LHFPL4: variants seen among roughly 807,000 people sequenced by gnomAD.
LHFPL4 encodes LHFPL tetraspan subfamily member 4.
A neutral mutation model predicts 20.0 loss-of-function variants in LHFPL4; 6 were observed. The observed-to-expected ratio is 0.30, with a 90% confidence interval of 0.16 to 0.59. LHFPL4 has a LOEUF of 0.59. Ranked by LOEUF, LHFPL4 falls within the 20% of genes least tolerant of loss-of-function variation. LHFPL4 has a pLI of 0.88. For synonymous variants in LHFPL4, 129 were observed against 143.8 expected (o/e 0.90, Z 0.74); for missense variants, 215 against 331.2 (o/e 0.65, Z 2.72).
At position 9,538,702 on chromosome 3, in the gene LHFPL4, C is replaced by CT. The variant is rs35357177; in HGVS notation, c.406+13571dup. On this transcript the variant is annotated intron_variant, in intron 2 of 3. Transcript: ENST00000287585. ...CAGAATTTAAATTCAGGTTTTCTTT[C>CT]TTTTTTTTTTTTTTTAGACAGAGTC... Among the ~76,000 whole-genome samples, 192 of 140,108 alleles carry CT rather than the reference C, an allele frequency of 1.4e-3. 1 individual carries two copies. Among genetic ancestry groups the CT allele is most frequent in the South Asian group, 4.6e-3 (20 of 4,304 alleles). 91.9% of individuals were successfully genotyped at this position (140,108 alleles called of 152,430 possible).
chr3:9,534,153 G>C (rs1161401941), intron 2 of LHFPL4, among the ~76,000 whole-genome samples: 2 of 150,982 alleles, frequency 1.3e-5, no homozygotes, highest in African/African-American at 4.9e-5. Context: ...GGATGCAGAG[G>C]TTGCAGTGAC....
intron 3 of LHFPL4, among the ~76,000 whole-genome samples, chr3:9,504,469 T>C (rs1417991848): frequency 1.3e-5 from 2 of 151,860 alleles, no homozygotes; most frequent in Non-Finnish European, 2.9e-5. Flanking sequence ...TCCCCTTCCA[T>C]CATAACCACA....
intron 2 of LHFPL4, among the ~76,000 whole-genome samples, chr3:9,514,856 A>T (rs1243201434): frequency 6.6e-6 from 1 of 152,204 alleles, no homozygotes; most frequent in East Asian, 1.9e-4. Context: ...AGTGCTCAAT[A>T]ATATTCTATA....
At chr3:9,536,206 T>G (rs1007770415) in intron 2 of LHFPL4, among the ~76,000 whole-genome samples, 3 of 152,184 alleles carry the variant, frequency 2.0e-5, no homozygotes, top group African/African-American at 7.2e-5. Context: ...GGGAAGTGGG[T>G]TGGAGATGCC....
intron 2 of LHFPL4, among the ~76,000 whole-genome samples, chr3:9,512,714 T>A (rs1302226415): frequency 1.3e-5 from 2 of 152,160 alleles, no homozygotes; most frequent in African/African-American, 4.8e-5. Flanking sequence ...GAAACAACTT[T>A]ATATAAACAG....
intron 2 of LHFPL4, among the ~76,000 whole-genome samples, chr3:9,518,964 C>G (rs897153466): frequency 2.8e-5 from 3 of 107,206 alleles, no homozygotes; most frequent in African/African-American, 9.4e-5. Flanking sequence ...GAGACAGAGT[C>G]TCTCTCTCTG....
At chr3:9,546,696 C>T (rs1284584745) in intron 2 of LHFPL4, among the ~76,000 whole-genome samples, 1 of 152,136 alleles carries the variant, frequency 6.6e-6, no homozygotes, top group Non-Finnish European at 1.5e-5. Context: ...CAGTTTATGC[C>T]TTCTTAAGCC....
At chr3:9,517,801 G>GTTTT (rs1162876826) in intron 2 of LHFPL4, among the ~76,000 whole-genome samples, 1 of 75,576 alleles carries the variant, frequency 1.3e-5, no homozygotes, top group South Asian at 4.1e-4. Context: ...GGGTTTTTTT[G>GTTTT]TTTTTTGTTT....
chr3:9,551,396 T>C (rs75964551), intron 2 of LHFPL4, among the ~76,000 whole-genome samples: 2,783 of 149,260 alleles, frequency 0.019, 95 homozygotes, highest in African/African-American at 0.064. Flanking sequence ...TGCCAGCAAT[T>C]AGGCAAAAGC....
rs528826536 is a variant in LHFPL4, at chr3:9,504,241, A to G, written c.643+1726T>C. 1.4e-3 allele frequency among the ~76,000 whole-genome samples: 217 copies of G among 151,680 alleles called. 5 individuals carry two copies. Among genetic ancestry groups the G allele is most frequent in the South Asian group, 8.3e-4 (4 of 4,798 alleles). On this transcript the variant is annotated intron_variant, in intron 3 of 3. Coordinates refer to ENST00000287585, the MANE Select transcript of LHFPL4 (RefSeq NM_198560.3). ...CAACAGTTAGCTGGGTGTGGTGGCAACATGCCTGTAATCCCAGGTACTCAA... is the reference window on the plus strand; with the variant it reads ...CAACAGTTAGCTGGGTGTGGTGGCAGCATGCCTGTAATCCCAGGTACTCAA...
At chr3:9,527,151 G>A (rs1371161969) in intron 2 of LHFPL4, among the ~76,000 whole-genome samples, 1 of 150,892 alleles carries the variant, frequency 6.6e-6, no homozygotes, top group Non-Finnish European at 1.5e-5. Context: ...GATCAGGGAA[G>A]ATAGAAATGA....
intron 2 of LHFPL4, among the ~76,000 whole-genome samples, chr3:9,509,482 T>A (rs1456160528): frequency 1.3e-5 from 2 of 152,204 alleles, no homozygotes; most frequent in Non-Finnish European, 2.9e-5. Context: ...TGCCAGGCAC[T>A]GTGCAGTGTG....
In LHFPL4 at chr3:9,552,350, G is replaced by T; in HGVS notation, c.330C>A (p.Ile110=). 1 of 1,613,930 alleles carries T rather than the reference G, an allele frequency of 6.2e-7. No homozygotes were observed. The highest frequency in any genetic ancestry group is 8.5e-7 in the Non-Finnish European group (1 of 1,179,956). ...AGAAGAAGAAAAGCGAAAAGCAGGT[G>T]ATGCAGCCGAGGATCAGCACCATGG... ...LLSMVLILGC[I]TCFSLFFFCN... is the part of the protein sequence containing the mutation. Residue 110 remains isoleucine (I), a synonymous_variant, in exon 2 of 4, where the codon ATC becomes ATA. Transcript: ENST00000287585.
At chr3:9,522,866 C>T (rs1055563930) in intron 2 of LHFPL4, among the ~76,000 whole-genome samples, 1 of 150,632 alleles carries the variant, frequency 6.6e-6, no homozygotes, top group Non-Finnish European at 1.5e-5. Flanking sequence ...ACAGTGAAAC[C>T]CCGTCTCTAC....
chr3:9,508,222 T>TTC (rs1323314493), intron 2 of LHFPL4, among the ~76,000 whole-genome samples: 30 of 151,908 alleles, frequency 2.0e-4, no homozygotes, highest in Admixed American at 2.0e-3. Flanking sequence ...TGGGCCCTCC[T>TTC]TCTCATCGTG....
At chr3:9,511,017 A>C (rs1305091777) in intron 2 of LHFPL4, among the ~76,000 whole-genome samples, 1 of 151,936 alleles carries the variant, frequency 6.6e-6, no homozygotes, top group Non-Finnish European at 1.5e-5. Context: ...CCAGAGTGCT[A>C]AGTTTCTGAC....
intron 2 of LHFPL4, among the ~76,000 whole-genome samples, chr3:9,518,891 T>C (rs2046320312): frequency 6.6e-6 from 1 of 151,546 alleles, no homozygotes; most frequent in Non-Finnish European, 1.5e-5. Context: ...GTAGGTGGGA[T>C]TACAGGCGTG....
At chr3:9,504,303 A>G (rs975027623) in intron 3 of LHFPL4, among the ~76,000 whole-genome samples, 1 of 150,310 alleles carries the variant, frequency 6.7e-6, no homozygotes, top group African/African-American at 2.5e-5. Context: ...ACTTGAACCC[A>G]GGAGCTGGAG....
intron 2 of LHFPL4, among the ~76,000 whole-genome samples, chr3:9,511,117 C>G (rs142258249): frequency 6.6e-6 from 1 of 150,884 alleles, no homozygotes; most frequent in Non-Finnish European, 1.5e-5. Flanking sequence ...TTTGGGAGGC[C>G]GAGGCAGGTG....
Sources: gnomAD v4.1 joint callset for allele counts (sites outside exome capture counted in the v4.1 genomes callset) on GRCh38, gnomAD v4.1.1 for gene constraint, MANE v1.5 for transcripts, NCBI Gene and HGNC (gene_info 2026-07-23, HGNC 2026-07-21) for gene names.